The following SLCO3A1 variants were observed in gnomAD, a reference collection of about 807,000 sequenced individuals.
SLCO3A1 encodes solute carrier organic anion transporter family member 3A1.
In SLCO3A1, 27 loss-of-function variants were observed where a neutral mutation model predicts 63.1. That is an observed-to-expected ratio of 0.43 (90% CI 0.32 to 0.59). The LOEUF (loss-of-function observed/expected upper bound fraction) is 0.59, where lower values mean the gene tolerates loss of function less well. Ranked by LOEUF, SLCO3A1 falls within the 20% of genes least tolerant of loss-of-function variation. The pLI is 0.09. For missense variants in SLCO3A1, 773 were observed against 945.8 expected (o/e 0.82, Z 2.40); for synonymous variants, 473 against 409.9 (o/e 1.15, Z -1.86).
intron 1 of SLCO3A1, among the ~76,000 whole-genome samples, chr15:91,868,463 A>T (rs1364068777): frequency 1.1e-5 from 1 of 88,348 alleles, no homozygotes; most frequent in Non-Finnish European, 2.6e-5. Context: ...TAGATAACAT[A>T]AAAAAAAATC....
chr15:91,857,268 T>A (rs748165656), intron 1 of SLCO3A1, among the ~76,000 whole-genome samples: 4 of 152,192 alleles, frequency 2.6e-5, no homozygotes, highest in Non-Finnish European at 5.9e-5. Context: ...ACACTGATCC[T>A]GAAAGCCAGA....
rs71156619 is a variant in SLCO3A1 at position 91,880,395 on chromosome 15, C to CTGTGTGTGTGTGTGTG, written c.180+26308_180+26309insGTGTGTGTGTGTGTGT. ...GGCACTCGTGCTTCTCTCTCTCTCT[C>CTGTGTGTGTGTGTGTG]TCTCTCTCTCTCTCTGTGTGTGTGT... On this transcript the variant is annotated intron_variant, in intron 1 of 9. Transcript: ENST00000318445. 3.3e-4 allele frequency among the ~76,000 whole-genome samples: 30 copies of CTGTGTGTGTGTGTGTG among 89,998 alleles called. 2 individuals carry two copies. The East Asian group carries it at 7.3e-3, about 22-fold the overall frequency. 59.0% of individuals were successfully genotyped at this position (89,998 alleles called of 152,430 possible). A position where few individuals can be genotyped will look rare whatever the true frequency, so the allele number is the denominator to read the frequency against.
At chr15:92,015,787 A>G (rs775012496) in intron 2 of SLCO3A1, among the ~76,000 whole-genome samples, 3 of 152,210 alleles carry the variant, frequency 2.0e-5, no homozygotes, top group Non-Finnish European at 4.4e-5. Flanking sequence ...GGTGGGGCCC[A>G]GGCTCTGACC....
rs1567158876 is a variant in SLCO3A1 at position 92,165,706 on chromosome 15, T to C, written c.*2571T>C. 3 of 985,116 alleles carry C rather than the reference T, an allele frequency of 3.0e-6. No individual in the cohort carries two copies. Among genetic ancestry groups the C allele is most frequent in the Non-Finnish European group, 3.6e-6 (3 of 829,776 alleles). 61.0% of individuals were successfully genotyped at this position (985,116 alleles called of 1,614,324 possible). ...TGTCGTCTTTTAAAATTTTAATTAT[T>C]CTCATATAGTACCGAACAGAAAACT... On this transcript the variant is annotated 3_prime_UTR_variant, in exon 10 of 10. Transcript: ENST00000318445.
chr15:91,965,919 GGAGA>G, intron 2 of SLCO3A1, among the ~76,000 whole-genome samples: 1 of 152,152 alleles, frequency 6.6e-6, no homozygotes, highest in East Asian at 1.9e-4. Context: ...ATTGAAGGGA[GGAGA>G]GAAACTCAAA....
chr15:92,102,510 A>T (rs576986014), intron 3 of SLCO3A1, among the ~76,000 whole-genome samples: 2 of 152,312 alleles, frequency 1.3e-5, no homozygotes, highest in South Asian at 4.1e-4. Flanking sequence ...CAAATGATGC[A>T]GCTAAGACTC....
chr15:91,874,212 C>G (rs1368431313), intron 1 of SLCO3A1, among the ~76,000 whole-genome samples: 1 of 152,142 alleles, frequency 6.6e-6, no homozygotes, highest in East Asian at 1.9e-4. Context: ...TGAATGTGGT[C>G]TCTCTCAATA....
intron 1 of SLCO3A1, among the ~76,000 whole-genome samples, chr15:91,874,789 C>T (rs1003119626): frequency 6.6e-6 from 1 of 152,244 alleles, no homozygotes; most frequent in African/African-American, 2.4e-5. Context: ...TGTCATTCCA[C>T]AGAACATCTT....
chr15:91,953,227 T>C (rs1464706784), intron 2 of SLCO3A1, among the ~76,000 whole-genome samples: 1 of 152,208 alleles, frequency 6.6e-6, no homozygotes, highest in African/African-American at 2.4e-5. Flanking sequence ...ATTCACTGAC[T>C]CGCTCATTCG....
intron 2 of SLCO3A1, among the ~76,000 whole-genome samples, chr15:91,973,554 T>A (rs1239724555): frequency 6.6e-6 from 1 of 152,172 alleles, no homozygotes; most frequent in Non-Finnish European, 1.5e-5. Context: ...GGAATGAAGT[T>A]GAGTGAGCGA....
intron 2 of SLCO3A1, among the ~76,000 whole-genome samples, chr15:91,931,308 A>T (rs959710801): frequency 1.3e-5 from 2 of 152,184 alleles, no homozygotes; most frequent in Admixed American, 1.3e-4. Flanking sequence ...AAGGAAGGTG[A>T]TGTCTCCGAA....
intron 2 of SLCO3A1, among the ~76,000 whole-genome samples, chr15:91,977,688 A>G (rs1383835914): frequency 6.6e-6 from 1 of 152,176 alleles, no homozygotes; most frequent in Non-Finnish European, 1.5e-5. Flanking sequence ...TGGGTGCACT[A>G]AAATCTCAGA....
At chr15:92,079,999 T>C (rs533293622) in intron 2 of SLCO3A1, among the ~76,000 whole-genome samples, 1 of 152,350 alleles carries the variant, frequency 6.6e-6, no homozygotes, top group African/African-American at 2.4e-5. Flanking sequence ...TCTGGATGGA[T>C]TTCCGGCCTG....
intron 2 of SLCO3A1, among the ~76,000 whole-genome samples, chr15:92,022,365 C>T (rs1377271993): frequency 2.0e-5 from 3 of 152,154 alleles, no homozygotes; most frequent in Admixed American, 6.5e-5. Flanking sequence ...CTGAGTGATA[C>T]CTTGTAAGGA....
intron 1 of SLCO3A1, among the ~76,000 whole-genome samples, chr15:91,891,717 G>A (rs186164068): frequency 8.5e-5 from 13 of 152,312 alleles, no homozygotes; most frequent in East Asian, 7.7e-4. Flanking sequence ...AAGTTAACAC[G>A]CAGCTTCACA....
At chr15:91,963,856 C>G (rs533676722) in intron 2 of SLCO3A1, among the ~76,000 whole-genome samples, 3 of 152,192 alleles carry the variant, frequency 2.0e-5, no homozygotes, top group Non-Finnish European at 4.4e-5. Context: ...AAAGCTTCCA[C>G]GGCGTGGAAG....
intron 1 of SLCO3A1, among the ~76,000 whole-genome samples, chr15:91,914,531 A>C (rs915689643): frequency 6.9e-6 from 1 of 145,502 alleles, no homozygotes; most frequent in Admixed American, 6.9e-5. Context: ...GCTCCTTACA[A>C]TTTGTCCTCA....
intron 2 of SLCO3A1, among the ~76,000 whole-genome samples, chr15:92,019,688 T>C (rs2046483293): frequency 6.6e-6 from 1 of 152,236 alleles, no homozygotes; most frequent in Non-Finnish European, 1.5e-5. Flanking sequence ...AGATTTTAGC[T>C]GATCGCCCAG....
chr15:92,047,500 TATAAATATATATAAATACATAAATA>T (rs2046893225), intron 2 of SLCO3A1, among the ~76,000 whole-genome samples: 4 of 37,308 alleles, frequency 1.1e-4, no homozygotes, highest in South Asian at 8.2e-4. Flanking sequence ...TATAAATATA[TATAAATATATATAAATACATAAATA>T]AATATATAAA....
Sources: allele counts gnomAD v4.1 joint callset (sites outside exome capture counted in the v4.1 genomes callset), GRCh38; gene constraint gnomAD v4.1.1; transcripts MANE v1.5; gene names NCBI Gene and HGNC (gene_info 2026-07-23, HGNC 2026-07-21).